JMJD7: variants seen among roughly 807,000 people sequenced by gnomAD.
JMJD7 encodes bifunctional peptidase and (3S)-lysyl hydroxylase JMJD7.
A neutral mutation model predicts 41.1 loss-of-function variants in JMJD7; 41 were observed. That is an observed-to-expected ratio of 1.00 (90% CI 0.78 to 1.30). The LOEUF is 1.30. Ranked by LOEUF, JMJD7 falls within the 50% of genes most tolerant of loss-of-function variation. The probability of loss-of-function intolerance (pLI) is 0.00; values close to 1 mark genes in which losing one functional copy is unlikely to be tolerated. For missense variants in JMJD7, 480 were observed against 420.7 expected (o/e 1.14, Z -1.23); for synonymous variants, 202 against 177.2 (o/e 1.14, Z -1.11).
rs138539784 is a variant in JMJD7, at chr15:41,828,769, C to G, written c.64+581C>G. 4.2e-3 allele frequency among the ~76,000 whole-genome samples: 637 copies of G among 152,292 alleles called. 4 individuals are homozygous for G. Among genetic ancestry groups the G allele is most frequent in the African/African-American group, 0.015 (606 of 41,558 alleles). ...ATGAAGCAAGGTTTCCTCCCAGCCC[C>G]AGTTTGCATTCTTACAGAAAGATTG... On this transcript the variant is annotated intron_variant, in intron 1 of 7. Coordinates refer to ENST00000397299, the MANE Select transcript of JMJD7 (RefSeq NM_001114632.2).
chr15:41,834,757 G>T lies in JMJD7; in HGVS notation c.82G>T (p.Ala28Ser). Residue 28 changes from alanine to serine, a missense_variant, in exon 2 of 8, where the codon GCT becomes TCT. By Grantham distance (99) the Ala-to-Ser change is moderately conservative (BLOSUM62 1). Transcript: ENST00000397299. ...AAARELCVPL[A>S]VPYLDKPPTP... Reference sequence around the variant, plus strand: ...TCTCTCAGAGCTCTGCGTGCCTCTTGCTGTGCCCTACCTGGACAAACCCCC... The same window carrying T: ...TCTCTCAGAGCTCTGCGTGCCTCTTTCTGTGCCCTACCTGGACAAACCCCC... 6.2e-7 allele frequency: 1 copy of T among 1,614,108 alleles called. No individual in the cohort carries two copies. The highest frequency in any genetic ancestry group is 1.1e-5 in the South Asian group (1 of 91,074).
At chr15:41,834,602 G>A (rs545856187) in intron 1 of JMJD7, 138 bp from the exon 2 acceptor site, 9 of 1,267,780 alleles carry the variant, frequency 7.1e-6, no homozygotes, top group African/African-American at 1.5e-5. Context: ...TCTATTACTG[G>A]TTGTCCAGGG....
chr15:41,837,496 G>A lies in JMJD7; in HGVS notation c.*340G>A, dbSNP rs754498776. On this transcript the variant is annotated 3_prime_UTR_variant, in exon 8 of 8. Coordinates refer to ENST00000397299, the MANE Select transcript of JMJD7 (RefSeq NM_001114632.2). ...AGAGATAATAATGGCTGTACCTCGCGGGGCTGTTGTGGGCTTGGAGATGAT... is the reference window on the plus strand; with the variant it reads ...AGAGATAATAATGGCTGTACCTCGCAGGGCTGTTGTGGGCTTGGAGATGAT... 1.5e-5 allele frequency: 5 copies of A among 329,906 alleles called. No homozygotes were observed. The South Asian group carries it at 1.7e-4, about 11-fold the overall frequency. 20.4% of individuals were successfully genotyped at this position (329,906 alleles called of 1,614,324 possible). A position where few individuals can be genotyped will look rare whatever the true frequency, so the allele number is the denominator to read the frequency against.
Position 41,828,105 on chromosome 15 carries a change from C to A in JMJD7, c.-20C>A, listed in dbSNP as rs886547611. On this transcript the variant is annotated 5_prime_UTR_variant, in exon 1 of 8. Transcript: ENST00000397299. ...GGGGCGTCGGGGAAAGGCGGGGTCT[C>A]GGCCGGCGCTGACGCAGCCATGGCG... The A allele has an allele frequency of 1.4e-6, 2 of 1,430,630 alleles. No individual in the cohort carries two copies. Among genetic ancestry groups the A allele is most frequent in the East Asian group, 2.8e-5 (1 of 35,128 alleles). 88.6% of individuals were successfully genotyped at this position (1,430,630 alleles called of 1,614,324 possible).
chr15:41,837,397 G>C lies in JMJD7; in HGVS notation c.*241G>C. ...CAGGTGAGCAGAGTGGGGATCAGGTGCAGCGGCACCTCTCCCCAGCGCTGT... is the reference window on the plus strand; with the variant it reads ...CAGGTGAGCAGAGTGGGGATCAGGTCCAGCGGCACCTCTCCCCAGCGCTGT... On this transcript the variant is annotated 3_prime_UTR_variant, in exon 8 of 8. Transcript: ENST00000397299. The C allele has an allele frequency of 1.8e-6, 1 of 556,688 alleles. No homozygotes were observed. 34.5% of individuals were successfully genotyped at this position (556,688 alleles called of 1,614,324 possible).
rs558023546 is a variant in JMJD7 at position 41,836,118 on chromosome 15, C to T, written c.530-30C>T. ...CCTCCCGTGCCCCTGCCCTCCATAC[C>T]CTGCCCCCGGGCCTTCTTTCTGTTG... is the stretch of plus-strand genomic sequence containing the variant. On this transcript the variant is annotated intron_variant, in intron 4 of 7. Transcript: ENST00000397299. 3.2e-6 allele frequency: 5 copies of T among 1,565,012 alleles called. No individual in the cohort carries two copies. The East Asian group carries it at 1.1e-4, about 35-fold the overall frequency.
Position 41,837,519 on chromosome 15 carries a change from G to T in JMJD7, c.*363G>T. 1 of 273,686 alleles carries T rather than the reference G, an allele frequency of 3.7e-6. No homozygotes were observed. The highest frequency in any genetic ancestry group is 6.9e-6 in the Non-Finnish European group (1 of 145,012). The allele number at this position is 273,686 out of a possible 1,614,324, so 17.0% of individuals were successfully genotyped here. ...GCGGGGCTGTTGTGGGCTTGGAGATGATGTCTATGAGGACCAGCATGGAGC... is the reference window on the plus strand; with the variant it reads ...GCGGGGCTGTTGTGGGCTTGGAGATTATGTCTATGAGGACCAGCATGGAGC... On this transcript the variant is annotated 3_prime_UTR_variant, in exon 8 of 8. Transcript: ENST00000397299.
intron 1 of JMJD7, among the ~76,000 whole-genome samples, chr15:41,833,414 A>ATATATATATTT (rs1239528383): frequency 1.9e-4 from 6 of 32,014 alleles, no homozygotes; most frequent in East Asian, 2.0e-3. Context: ...ATATATATAT[A>ATATATATATTT]TTTTTTTTTT....
chr15:41,833,414 A>ATATATATATATATTT (rs1239528383), intron 1 of JMJD7, among the ~76,000 whole-genome samples: 3 of 32,012 alleles, frequency 9.4e-5, no homozygotes, highest in Non-Finnish European at 1.8e-4. Flanking sequence ...ATATATATAT[A>ATATATATATATATTT]TTTTTTTTTT....
intron 1 of JMJD7, among the ~76,000 whole-genome samples, chr15:41,828,898 C>T (rs149277004): frequency 5.3e-5 from 8 of 152,336 alleles, no homozygotes; most frequent in African/African-American, 1.7e-4. Flanking sequence ...TTTCACATTC[C>T]TCTACCTCAG....
chr15:41,828,479 T>C lies in JMJD7; in HGVS notation c.64+291T>C, dbSNP rs911009401. 33 of 327,856 alleles carry C rather than the reference T, an allele frequency of 1.0e-4. No individual in the cohort carries two copies. The South Asian group carries it at 1.9e-3, about 19-fold the overall frequency. 20.3% of individuals were successfully genotyped at this position (327,856 alleles called of 1,614,324 possible). On this transcript the variant is annotated intron_variant, in intron 1 of 7. Coordinates refer to ENST00000397299, the MANE Select transcript of JMJD7 (RefSeq NM_001114632.2). The stretch of plus-strand genomic sequence containing the variant: ...GCTTGCTGTTACCCTTGTTGAAAGC[T>C]CATCGAAGGCACACAGCTGGTGGTC...
chr15:41,835,609 A>T lies in JMJD7; in HGVS notation c.494A>T (p.Asn165Ile). The T allele has an allele frequency of 1.9e-6, 3 of 1,613,846 alleles. No homozygotes were observed. Among genetic ancestry groups the T allele is most frequent in the Non-Finnish European group, 2.5e-6 (3 of 1,179,864 alleles). Residue 165 changes from asparagine to isoleucine, a missense_variant, in exon 4 of 8, where the codon AAC becomes ATC. By Grantham distance (149) the Asn-to-Ile change is moderately radical. Coordinates refer to ENST00000397299, the MANE Select transcript of JMJD7 (RefSeq NM_001114632.2). ...EALGKMPDAVNFWLGEAAAVT... is the reference protein window; with the variant it reads ...EALGKMPDAVIFWLGEAAAVT... ...GCAGGAAAGATGCCCGATGCTGTGA[A>T]CTTCTGGCTGGGGGAGGCGGCTGCA...
intron 1 of JMJD7, among the ~76,000 whole-genome samples, chr15:41,832,939 T>C (rs2065250134): frequency 6.6e-6 from 1 of 152,268 alleles, no homozygotes; most frequent in Admixed American, 6.5e-5. Flanking sequence ...AGTGAGCAGC[T>C]GGAACAAAGG....
At chr15:41,830,301 T>G (rs1161180836) in intron 1 of JMJD7, among the ~76,000 whole-genome samples, 2 of 152,230 alleles carry the variant, frequency 1.3e-5, no homozygotes, top group Non-Finnish European at 2.9e-5. Context: ...AAGACCCTGC[T>G]CCTGCAAACT....
intron 1 of JMJD7, among the ~76,000 whole-genome samples, chr15:41,828,713 G>A (rs1292597829): frequency 6.6e-6 from 1 of 151,860 alleles, no homozygotes; most frequent in Non-Finnish European, 1.5e-5. Context: ...GTATGTGATG[G>A]GTATGTAATA....
rs2065282815 is a variant in JMJD7 at position 41,834,744 on chromosome 15, C to T, written c.69C>T (p.Leu23=). Residue 23 remains leucine (L), a synonymous_variant, in exon 2 of 8, where the codon CTC becomes CTT. Transcript: ENST00000397299. ...CTGTCTTCTTCTTTCTCTCAGAGCT[C>T]TGCGTGCCTCTTGCTGTGCCCTACC... is the stretch of plus-strand genomic sequence containing the variant. The part of the protein sequence containing the change: ...LREFPAAARE[L]CVPLAVPYLD... The T allele has an allele frequency of 1.2e-6, 2 of 1,613,914 alleles. No individual in the cohort carries two copies. The highest frequency in any genetic ancestry group is 2.7e-5 in the African/African-American group (2 of 74,930).
chr15:41,835,315 T>G, intron 3 of JMJD7, 92 bp downstream of exon 3: 2 of 1,493,442 alleles, frequency 1.3e-6, no homozygotes, highest in South Asian at 2.6e-5. Context: ...TGACCTGGCC[T>G]ATGGGCTTGG....
Position 41,837,208 on chromosome 15 carries a change from C to T in JMJD7, c.*52C>T. ...ACGCCTCGGGGGACGGAGCCAGCCC[C>T]TCCCTGGCCAGGTCAATTCTCGAGA... On this transcript the variant is annotated 3_prime_UTR_variant, in exon 8 of 8. Transcript: ENST00000397299. 4.6e-6 allele frequency: 6 copies of T among 1,311,424 alleles called. No homozygotes were observed. Among genetic ancestry groups the T allele is most frequent in the Non-Finnish European group, 4.3e-6 (4 of 922,840 alleles). 81.2% of individuals were successfully genotyped at this position (1,311,424 alleles called of 1,614,324 possible). A position where few individuals can be genotyped will look rare whatever the true frequency, so the allele number is the denominator to read the frequency against.
At chr15:41,836,052 G>A (rs2065308316) in intron 4 of JMJD7, 96 bp from the exon 5 acceptor site, 3 of 1,311,518 alleles carry the variant, frequency 2.3e-6, no homozygotes, top group Non-Finnish European at 3.1e-6. Context: ...TTTGTCATAG[G>A]ACGTCTTGGG....
Sources: gnomAD v4.1 joint callset for allele counts (sites outside exome capture counted in the v4.1 genomes callset) on GRCh38, gnomAD v4.1.1 for gene constraint, MANE v1.5 for transcripts, NCBI Gene and HGNC (gene_info 2026-07-23, HGNC 2026-07-21) for gene names.